CPM: variants seen among roughly 807,000 people sequenced by gnomAD.
CPM encodes carboxypeptidase M, also known as renal carboxypeptidase.
In CPM, 35 loss-of-function variants were observed where a neutral mutation model predicts 46.4. The ratio of observed to expected loss-of-function variants is 0.75; its 90% CI spans 0.58 to 1.00. The LOEUF (loss-of-function observed/expected upper bound fraction) is 1.00. CPM is among the 50% of genes least tolerant of loss of function. The probability of loss-of-function intolerance (pLI) is 0.00; values close to 1 mark genes in which losing one functional copy is unlikely to be tolerated. For synonymous variants in CPM, 195 were observed against 195.3 expected (o/e 1.00, Z 0.01); for missense variants, 422 against 530.4 (o/e 0.80, Z 2.01).
intron 2 of CPM, among the ~76,000 whole-genome samples, chr12:68,914,286 A>G (rs1474565420): frequency 6.6e-6 from 1 of 151,834 alleles, no homozygotes; most frequent in Non-Finnish European, 1.5e-5. Flanking sequence ...GGGTTTTCCA[A>G]TTTAGCACAA....
intron 1 of CPM, 28 bp from the exon 2 acceptor site, chr12:68,932,868 C>T (rs541018917): frequency 6.2e-7 from 1 of 1,609,932 alleles, no homozygotes; most frequent in Non-Finnish European, 8.5e-7. Context: ...TAAGAAGAAC[C>T]TGAGAACACA....
Position 68,932,818 on chromosome 12 carries a change from C to T in CPM, c.20G>A (p.Trp7Ter). 6.2e-7 allele frequency: 1 copy of T among 1,614,086 alleles called. No homozygotes were observed. The highest frequency in any genetic ancestry group is 8.5e-7 in the Non-Finnish European group (1 of 1,180,002). Residue 7 changes from tryptophan (W) to a stop codon, truncating the protein, a stop_gained, in exon 2 of 9, where the codon TGG (tryptophan) becomes TAG (stop). Transcript: ENST00000551568. LOFTEE classifies it high-confidence loss of function. MDFPCL[W>*]LGLLLPLVAA... is the part of the protein sequence containing the mutation. ...TACCAAAGGCAGCAACAGCCCTAGC[C>T]AGAGGCACGGGAAGTCCATGTTCTA...
chr12:68,895,105 C>T (rs1041292620), intron 2 of CPM, among the ~76,000 whole-genome samples: 1 of 150,542 alleles, frequency 6.6e-6, no homozygotes, highest in Non-Finnish European at 1.5e-5. Flanking sequence ...TTTCCTTTTG[C>T]TCCCCTGCTG....
intron 7 of CPM, among the ~76,000 whole-genome samples, chr12:68,864,345 A>G (rs1207747011): frequency 6.6e-6 from 1 of 152,180 alleles, no homozygotes; most frequent in East Asian, 1.9e-4. Context: ...TGGGAGGCTG[A>G]GTGGGAGAAT....
chr12:68,945,846 C>CTTTTTTTTTTTTTT (rs1170064808), intron 1 of CPM, among the ~76,000 whole-genome samples: 68 of 88,464 alleles, frequency 7.7e-4, no homozygotes, highest in African/African-American at 1.2e-3. Context: ...TTCTTTCTTT[C>CTTTTTTTTTTTTTT]TTTTTTTTTT....
chr12:68,897,598 G>T (rs144607389), intron 2 of CPM, among the ~76,000 whole-genome samples: 3 of 152,018 alleles, frequency 2.0e-5, no homozygotes, highest in African/African-American at 7.3e-5. Context: ...TTAGCCGGGC[G>T]TGGTGGTGTG....
intron 2 of CPM, among the ~76,000 whole-genome samples, chr12:68,919,253 A>C (rs374056684): frequency 6.6e-6 from 1 of 152,234 alleles, no homozygotes; most frequent in Non-Finnish European, 1.5e-5. Context: ...TACAGTGACA[A>C]GTAGGATAGG....
chr12:68,909,667 G>T (rs1039567553), intron 2 of CPM, among the ~76,000 whole-genome samples: 3 of 152,114 alleles, frequency 2.0e-5, no homozygotes, highest in Non-Finnish European at 2.9e-5. Context: ...TAAAAAGGAT[G>T]AGTTCATGTC....
chr12:68,857,655 A>G (rs1885037078), intron 8 of CPM, among the ~76,000 whole-genome samples: 1 of 152,168 alleles, frequency 6.6e-6, no homozygotes, highest in African/African-American at 2.4e-5. Flanking sequence ...TGACATTTAC[A>G]TAACCACTCA....
chr12:68,863,853 G>A (rs531322914), intron 7 of CPM, among the ~76,000 whole-genome samples: 13 of 152,280 alleles, frequency 8.5e-5, no homozygotes, highest in African/African-American at 2.4e-4. Flanking sequence ...GCAGTTTGAC[G>A]AATATCAATA....
intron 2 of CPM, among the ~76,000 whole-genome samples, chr12:68,931,857 A>T (rs1366397823): frequency 2.0e-5 from 3 of 152,120 alleles, no homozygotes; most frequent in Non-Finnish European, 4.4e-5. Context: ...TGGCTATAAA[A>T]TTCACCATCT....
In CPM at chr12:68,898,183, A is replaced by T. The variant is rs76478466; in HGVS notation, c.161-12294T>A. Among the ~76,000 whole-genome samples, 797 of 151,248 alleles carry T rather than the reference A, an allele frequency of 5.3e-3. 3 individuals carry two copies. The highest frequency in any genetic ancestry group is 0.02 in the Middle Eastern group (6 of 294). ...GTTCTTATTTGTTATGAGTGCCTGC[A>T]GGTGTCACAGAGCTGTAATTTAAGA... On this transcript the variant is annotated intron_variant, in intron 2 of 8. Transcript: ENST00000551568.
chr12:68,852,208 T>C lies in CPM; in HGVS notation c.*4229A>G, dbSNP rs1285809661. 2 of 152,254 alleles carry C rather than the reference T, an allele frequency of 1.3e-5. No homozygotes were observed. The highest frequency in any genetic ancestry group is 6.5e-5 in the Admixed American group (1 of 15,290). 9.4% of individuals were successfully genotyped at this position (152,254 alleles called of 1,614,324 possible). A position where few individuals can be genotyped will look rare whatever the true frequency, so the allele number is the denominator to read the frequency against. On this transcript the variant is annotated 3_prime_UTR_variant, in exon 9 of 9. Transcript: ENST00000551568. ...TCAGATACATCCAACAGTTCATGTC[T>C]GAATGTAATTAAGCATCCAAATCAA... is the stretch of plus-strand genomic sequence containing the variant.
At chr12:68,898,653 A>G (rs912067408) in intron 2 of CPM, among the ~76,000 whole-genome samples, 1 of 152,226 alleles carries the variant, frequency 6.6e-6, no homozygotes, top group African/African-American at 2.4e-5. Flanking sequence ...ACCTGCCTGA[A>G]CACAGCATGT....
intron 1 of CPM, among the ~76,000 whole-genome samples, chr12:68,960,974 C>T (rs77389035): frequency 0.025 from 3,731 of 152,120 alleles, 162 homozygotes; most frequent in African/African-American, 0.084. Context: ...AGGTAAAAGG[C>T]GATGCAACTT....
chr12:68,871,261 G>A (rs1426070375), intron 4 of CPM, among the ~76,000 whole-genome samples: 7 of 152,262 alleles, frequency 4.6e-5, no homozygotes, highest in South Asian at 4.1e-4. Flanking sequence ...ATCTAACAAC[G>A]ACAAACACAA....
intron 2 of CPM, among the ~76,000 whole-genome samples, chr12:68,886,547 G>C (rs1023441405): frequency 6.6e-6 from 1 of 152,188 alleles, no homozygotes; most frequent in Non-Finnish European, 1.5e-5. Flanking sequence ...CAGGAGAATG[G>C]TGTGAACCCC....
chr12:68,924,390 G>C (rs911102613), intron 2 of CPM, among the ~76,000 whole-genome samples: 37 of 151,850 alleles, frequency 2.4e-4, no homozygotes, highest in Admixed American at 6.6e-5. Flanking sequence ...AGGAGGTTGA[G>C]GCAGGAGCAT....
chr12:68,948,527 G>T (rs1888883555), intron 1 of CPM, among the ~76,000 whole-genome samples: 2 of 151,946 alleles, frequency 1.3e-5, no homozygotes, highest in South Asian at 4.2e-4. Context: ...TGGGGGTTTT[G>T]GGGGGAGGGT....
Sources: gnomAD v4.1 joint callset for allele counts (sites outside exome capture counted in the v4.1 genomes callset) on GRCh38, gnomAD v4.1.1 for gene constraint, MANE v1.5 for transcripts, NCBI Gene and HGNC (gene_info 2026-07-23, HGNC 2026-07-21) for gene names.